Variants in CTNNA3 observed in about 807,000 individuals in gnomAD.
CTNNA3 encodes catenin alpha 3, also known as catenin alpha-3.
CTNNA3 carries 76 observed loss-of-function variants against 95.7 expected under a neutral mutation model. The ratio of observed to expected loss-of-function variants is 0.79; its 90% CI spans 0.66 to 0.96. CTNNA3 has a LOEUF of 0.96. Among genes scored for constraint, CTNNA3 ranks in the 40% least tolerant of loss-of-function variants. CTNNA3 has a pLI of 0.00. For synonymous variants in CTNNA3, 431 were observed against 374.4 expected, an observed-to-expected ratio of 1.15 and a Z score of -1.74; for missense variants, 1,191 against 1,089.8, an observed-to-expected ratio of 1.09 and a Z score of -1.31.
rs1208049662 is a variant in CTNNA3, at chr10:67,597,302, G to A, written c.292+9555C>T. The stretch of plus-strand genomic sequence containing the variant: ...TTGGGTTAAAAACCACTGCTGGTGA[G>A]CTAGTGCAGTCATTTGGAAGTAAGA... On this transcript the variant is annotated intron_variant, in intron 3 of 17. Transcript: ENST00000433211. 1.1e-4 allele frequency among the ~76,000 whole-genome samples: 16 copies of A among 152,328 alleles called. No individual in the cohort carries two copies. In the East Asian group the frequency reaches 3.1e-3, roughly 29 times the overall value.
rs369450351 is a variant in CTNNA3, at chr10:66,265,938, C to T, written c.1884+14532G>A. 3.4e-4 allele frequency among the ~76,000 whole-genome samples: 51 copies of T among 150,984 alleles called. No individual in the cohort carries two copies. In the South Asian group the frequency reaches 9.3e-3, roughly 27 times the overall value. ...ATCTATCTCCATATGGCTAAGTGTT[C>T]GATAGATTTATTGGCCCGTAGTACG... is the stretch of plus-strand genomic sequence containing the variant. On this transcript the variant is annotated intron_variant, in intron 13 of 17. Transcript: ENST00000433211.
At chr10:67,043,476 G>T (rs1444322466) in intron 7 of CTNNA3, among the ~76,000 whole-genome samples, 2 of 152,096 alleles carry the variant, frequency 1.3e-5, no homozygotes, top group Non-Finnish European at 2.9e-5. Context: ...CTCCTAAGCT[G>T]CATGTCATTT....
chr10:66,243,306 C>T (rs2090178660), intron 13 of CTNNA3, among the ~76,000 whole-genome samples: 1 of 152,186 alleles, frequency 6.6e-6, no homozygotes, highest in Non-Finnish European at 1.5e-5. Context: ...GTAGAGAATT[C>T]TCTTCCCTTT....
chr10:66,702,867 G>T (rs538407670), intron 9 of CTNNA3, among the ~76,000 whole-genome samples: 1 of 151,830 alleles, frequency 6.6e-6, no homozygotes. Flanking sequence ...CAATAAGCCC[G>T]TCACACATTT....
intron 5 of CTNNA3, among the ~76,000 whole-genome samples, chr10:67,301,150 G>A (rs940301090): frequency 6.6e-6 from 1 of 152,166 alleles, no homozygotes; most frequent in African/African-American, 2.4e-5. Flanking sequence ...ACTCTTTCAA[G>A]TCTGCAGTGG....
chr10:67,552,096 T>G (rs1841053923), intron 3 of CTNNA3, among the ~76,000 whole-genome samples: 1 of 152,196 alleles, frequency 6.6e-6, no homozygotes, highest in Admixed American at 6.5e-5. Context: ...TAGCCGCTAG[T>G]GTCCAAAAGC....
At chr10:66,517,433 TA>T (rs774680443) in intron 11 of CTNNA3, among the ~76,000 whole-genome samples, 3 of 152,000 alleles carry the variant, frequency 2.0e-5, no homozygotes, top group Non-Finnish European at 4.4e-5. Context: ...AGGTTTGCAG[TA>T]AAGAAGCCGG....
intron 11 of CTNNA3, among the ~76,000 whole-genome samples, chr10:66,399,873 T>C (rs931193308): frequency 7.2e-5 from 11 of 151,942 alleles, no homozygotes; most frequent in African/African-American, 2.7e-4. Context: ...TAATGTCACT[T>C]CTCTGTCCCA....
intron 13 of CTNNA3, among the ~76,000 whole-genome samples, chr10:66,214,186 A>G (rs1374055505): frequency 6.6e-6 from 1 of 152,186 alleles, no homozygotes; most frequent in African/African-American, 2.4e-5. Flanking sequence ...TCTTCAGGGT[A>G]ACATTACCCT....
At chr10:66,264,111 T>C (rs74144010) in intron 13 of CTNNA3, among the ~76,000 whole-genome samples, 2 of 152,158 alleles carry the variant, frequency 1.3e-5, no homozygotes, top group African/African-American at 4.8e-5. Flanking sequence ...ACTTATGCTC[T>C]AAATTCCAAA....
chr10:66,135,959 T>G lies in CTNNA3; in HGVS notation c.1885-32710A>C, dbSNP rs192356933. Among the ~76,000 whole-genome samples, 378 of 151,780 alleles carry G rather than the reference T, an allele frequency of 2.5e-3. 2 individuals are homozygous for G. The highest frequency in any genetic ancestry group is 8.4e-3 in the African/African-American group (348 of 41,336). On this transcript the variant is annotated intron_variant, in intron 13 of 17. Transcript: ENST00000433211. ...CTCTGTCGCGCAGGCTGGAGTGCAG[T>G]GGTGCGATCTCAGCTCACTGCAAGC...
At chr10:66,733,431 T>A (rs182800458) in intron 9 of CTNNA3, among the ~76,000 whole-genome samples, 218 of 152,148 alleles carry the variant, frequency 1.4e-3, no homozygotes, top group African/African-American at 5.1e-3. Flanking sequence ...ATTAAGATGA[T>A]CAACTTTTCA....
chr10:65,919,553 C>G lies in CTNNA3; in HGVS notation c.*777G>C, dbSNP rs2077051002. ...CTCATTTTCCCAATGGGTGATAACTCTTCTTTCACATATGTATTCGGATAG... is the reference window on the plus strand; with the variant it reads ...CTCATTTTCCCAATGGGTGATAACTGTTCTTTCACATATGTATTCGGATAG... On this transcript the variant is annotated 3_prime_UTR_variant, in exon 18 of 18. Transcript: ENST00000433211. 1 of 152,116 alleles carries G rather than the reference C, an allele frequency of 6.6e-6. No homozygotes were observed. The highest frequency in any genetic ancestry group is 2.4e-5 in the African/African-American group (1 of 41,434). 9.4% of individuals were successfully genotyped at this position (152,116 alleles called of 1,614,324 possible).
At chr10:66,395,496 G>A (rs1589189691) in intron 11 of CTNNA3, among the ~76,000 whole-genome samples, 1 of 150,820 alleles carries the variant, frequency 6.6e-6, no homozygotes, top group East Asian at 2.0e-4. Context: ...CATGGAATTG[G>A]ACAACAAATT....
intron 11 of CTNNA3, among the ~76,000 whole-genome samples, chr10:66,418,671 A>C (rs1331126858): frequency 6.6e-6 from 1 of 151,324 alleles, no homozygotes; most frequent in East Asian, 2.0e-4. Flanking sequence ...ACATCAAAAA[A>C]ATAATACCCA....
intron 7 of CTNNA3, among the ~76,000 whole-genome samples, chr10:66,995,901 T>C (rs540213582): frequency 6.6e-6 from 1 of 152,240 alleles, no homozygotes; most frequent in African/African-American, 2.4e-5. Flanking sequence ...CTAATATTTA[T>C]GGAGTACTGA....
chr10:67,224,726 C>T lies in CTNNA3; in HGVS notation c.580-4856G>A, dbSNP rs142015064. On this transcript the variant is annotated intron_variant, in intron 5 of 17. Coordinates refer to ENST00000433211, the MANE Select transcript of CTNNA3 (RefSeq NM_013266.4). ...GAAAGTCCCTAGGAGCTCGCTGGGT[C>T]CCCAGTCAGGCCATTCCTGCCTGGC... Among the ~76,000 whole-genome samples, 443 of 152,144 alleles carry T rather than the reference C, an allele frequency of 2.9e-3. 2 individuals carry two copies. Among genetic ancestry groups the T allele is most frequent in the African/African-American group, 9.8e-3 (407 of 41,490 alleles).
rs61866233 is a variant in CTNNA3 at position 67,002,901 on chromosome 10, A to G, written c.1047+177416T>C. ...GAAAGGATAAAAACTTAGTATCATT[A>G]TTATTCTAAACATACCAAGGCTCAA... is the stretch of plus-strand genomic sequence containing the variant. On this transcript the variant is annotated intron_variant, in intron 7 of 17. Transcript: ENST00000433211. 4.5e-3 allele frequency among the ~76,000 whole-genome samples: 678 copies of G among 152,322 alleles called. 2 individuals are homozygous for G. The highest frequency in any genetic ancestry group is 7.3e-3 in the Non-Finnish European group (499 of 68,026).
chr10:65,929,324 G>T (rs898442317), intron 17 of CTNNA3, among the ~76,000 whole-genome samples: 1 of 152,020 alleles, frequency 6.6e-6, no homozygotes, highest in African/African-American at 2.4e-5. Context: ...TGTCTTATTG[G>T]CCCAAGAATA....
Sources: gnomAD v4.1 joint callset for allele counts (sites outside exome capture counted in the v4.1 genomes callset) on GRCh38, gnomAD v4.1.1 for gene constraint, MANE v1.5 for transcripts, NCBI Gene and HGNC (gene_info 2026-07-23, HGNC 2026-07-21) for gene names.